The following TCF25 variants were observed in gnomAD, a reference collection of about 807,000 sequenced individuals.
TCF25 encodes TCF25 ribosome quality control complex subunit.
In TCF25, 41 loss-of-function variants were observed where a neutral mutation model predicts 83.1. The ratio of observed to expected loss-of-function variants is 0.49; its 90% CI spans 0.38 to 0.64. TCF25 has a LOEUF of 0.64. Among genes scored for constraint, TCF25 ranks in the 30% least tolerant of loss-of-function variants. The pLI is 0.00. For synonymous variants in TCF25, 458 were observed against 365.0 expected, an observed-to-expected ratio of 1.25 and a Z score of -2.90; for missense variants, 979 against 914.5, an observed-to-expected ratio of 1.07 and a Z score of -0.91.
chr16:89,880,322 G>A (rs950321626), intron 1 of TCF25, among the ~76,000 whole-genome samples: 9 of 152,196 alleles, frequency 5.9e-5, no homozygotes, highest in Non-Finnish European at 1.2e-4. Flanking sequence ...GGTGGCTCAC[G>A]CCTGTAATCC....
At chr16:89,905,699 G>C (rs558176309) in intron 14 of TCF25, among the ~76,000 whole-genome samples, 1 of 152,338 alleles carries the variant, frequency 6.6e-6, no homozygotes, top group East Asian at 1.9e-4. Context: ...CCCAAGAGGC[G>C]CTGGTGCCCC....
At position 89,900,636 on chromosome 16, in the gene TCF25, C is replaced by G. The variant is rs75719943; in HGVS notation, c.1223C>G (p.Ala408Gly). 4.5e-3 allele frequency: 7,120 copies of G among 1,587,188 alleles called. 23 individuals carry two copies. Among genetic ancestry groups the G allele is most frequent in the South Asian group, 5.0e-3 (448 of 90,298 alleles). ...GCTCTGTTTCTTCGTCCCTCGTAGG[C>G]TCATCGGAACCTGTCCCAGCTCCCT... The part of the protein sequence containing the change: ...YLIRLFQEWE[A>G]HRNLSQLPNF... The change falls in exon 12 of 18, where the codon GCT becomes GGT. Residue 408 changes from alanine to glycine, a missense_variant and splice_region_variant. Physicochemically the swap from Ala to Gly is moderately conservative, Grantham distance 60. Transcript: ENST00000263346.
At chr16:89,874,127 C>T (rs1471483605) in intron 1 of TCF25, among the ~76,000 whole-genome samples, 2 of 88,282 alleles carry the variant, frequency 2.3e-5, no homozygotes, top group African/African-American at 8.2e-5. Flanking sequence ...GGGGCGGGGC[C>T]GTGCTGTCGG....
At chr16:89,910,802 C>A in intron 17 of TCF25, 139 bp downstream of exon 17, 1 of 1,057,864 alleles carries the variant, frequency 9.5e-7, no homozygotes, top group Non-Finnish European at 1.4e-6. Context: ...CTGCATTGTG[C>A]CAGTGGGGTG....
At position 89,883,805 on chromosome 16, in the gene TCF25, C is replaced by T. The variant is rs917794070; in HGVS notation, c.354+293C>T. 9 of 302,428 alleles carry T rather than the reference C, an allele frequency of 3.0e-5. No homozygotes were observed. In the South Asian group the frequency reaches 3.6e-4, roughly 12 times the overall value. The allele number at this position is 302,428 out of a possible 1,614,324, so 18.7% of individuals were successfully genotyped here. On this transcript the variant is annotated intron_variant, in intron 2 of 17. Transcript: ENST00000263346. ...ACCGCGCACGTGTGTCCCTCCTAGC[C>T]GACCGCGCACGTGTGTGCCTCCTAG...
At chr16:89,901,349 G>C (rs532362882) in intron 12 of TCF25, among the ~76,000 whole-genome samples, 2 of 152,332 alleles carry the variant, frequency 1.3e-5, no homozygotes, top group Non-Finnish European at 2.9e-5. Flanking sequence ...CCCTCTTTAA[G>C]ATGGGCCTCC....
chr16:89,904,706 C>T (rs2044631199), intron 13 of TCF25: 1 of 663,256 alleles, frequency 1.5e-6, no homozygotes, highest in Non-Finnish European at 2.8e-6. Flanking sequence ...TTTCACATTT[C>T]TGTGACGTCA....
At chr16:89,878,667 G>T (rs943570974) in intron 1 of TCF25, 2 of 1,069,566 alleles carry the variant, frequency 1.9e-6, no homozygotes, top group Non-Finnish European at 2.3e-6. Context: ...TTGAGACGGA[G>T]TCTTGCGCTG....
intron 12 of TCF25, 148 bp downstream of exon 12, chr16:89,900,942 C>A: frequency 1.1e-6 from 1 of 943,456 alleles, no homozygotes; most frequent in Non-Finnish European, 1.5e-6. Context: ...ACCTGCCCTA[C>A]CAAACCTGAA....
intron 16 of TCF25, among the ~76,000 whole-genome samples, chr16:89,908,272 CCCT>C: frequency 6.9e-6 from 1 of 145,074 alleles, no homozygotes; most frequent in African/African-American, 2.6e-5. Flanking sequence ...GCTCCCTCTT[CCCT>C]CCTCCCAGTT....
chr16:89,893,949 A>G (rs2144123731), intron 7 of TCF25, 91 bp downstream of exon 7: 1 of 1,523,236 alleles, frequency 6.6e-7, no homozygotes, highest in Non-Finnish European at 8.8e-7. Context: ...TGGGGGAGGC[A>G]TGCTGCCTCC....
Position 89,905,024 on chromosome 16 carries a change from T to C in TCF25, c.1556T>C (p.Leu519Pro). The change falls in exon 14 of 18, where the codon CTG becomes CCG. Residue 519 changes from leucine (L) to proline (P), a missense_variant. Physicochemically the swap from Leu to Pro is moderately conservative, Grantham distance 98. Coordinates refer to ENST00000263346, the MANE Select transcript of TCF25 (RefSeq NM_014972.3). Reference protein sequence around the residue: ...LWKEPATMSWLEENVHEVLQA... With the variant: ...LWKEPATMSWPEENVHEVLQA... ...AAAGAGCCCGCCACCATGAGCTGGC[T>C]GGAGGAGAACGTCCACGAGGTTCTG... 6.2e-7 allele frequency: 1 copy of C among 1,603,562 alleles called. No homozygotes were observed. Among genetic ancestry groups the C allele is most frequent in the Non-Finnish European group, 8.5e-7 (1 of 1,175,590 alleles).
intron 10 of TCF25, 29 bp downstream of exon 10, chr16:89,898,678 C>T: frequency 6.2e-7 from 1 of 1,612,232 alleles, no homozygotes; most frequent in Non-Finnish European, 8.5e-7. Flanking sequence ...CCAAGCCCGT[C>T]CACGCTCCCT....
intron 5 of TCF25, chr16:89,889,324 C>T: frequency 3.4e-6 from 1 of 297,488 alleles, no homozygotes; most frequent in South Asian, 2.8e-5. Context: ...ACTACCGGCA[C>T]ATGCCACCGC....
intron 7 of TCF25, among the ~76,000 whole-genome samples, chr16:89,894,374 G>A (rs1202630148): frequency 4.0e-5 from 6 of 150,992 alleles, no homozygotes; most frequent in African/African-American, 1.2e-4. Context: ...GACGGCCCCC[G>A]CGCAGCCCCA....
intron 12 of TCF25, 138 bp from the exon 13 acceptor site, chr16:89,903,980 C>A: frequency 1.2e-6 from 1 of 826,762 alleles, no homozygotes; most frequent in Non-Finnish European, 1.9e-6. Flanking sequence ...GGAAGCAAGC[C>A]GCTGGCCCTG....
chr16:89,881,641 C>T (rs576086148), intron 1 of TCF25, among the ~76,000 whole-genome samples: 2 of 152,146 alleles, frequency 1.3e-5, no homozygotes, highest in African/African-American at 4.8e-5. Context: ...GATGGGGTCT[C>T]ACTGTATTGC....
At chr16:89,877,994 C>T (rs1288836434) in intron 1 of TCF25, among the ~76,000 whole-genome samples, 1 of 152,020 alleles carries the variant, frequency 6.6e-6, no homozygotes, top group East Asian at 1.9e-4. Context: ...TAAAACATTC[C>T]AGGCTAGGGT....
intron 16 of TCF25, among the ~76,000 whole-genome samples, chr16:89,907,966 TAGCTCCCACCTCCC>T (rs1191220978): frequency 1.4e-4 from 1 of 7,244 alleles, no homozygotes; most frequent in African/African-American, 5.7e-4. Flanking sequence ...TCCCGCCGCC[TAGCTCCCACCTCCC>T]AGCTCCCGCC....
Sources: allele counts gnomAD v4.1 joint callset (sites outside exome capture counted in the v4.1 genomes callset), GRCh38; gene constraint gnomAD v4.1.1; transcripts MANE v1.5; gene names NCBI Gene and HGNC (gene_info 2026-07-23, HGNC 2026-07-21).